The following PRKN variants were observed in gnomAD, a reference collection of about 807,000 sequenced individuals.
PRKN encodes the protein parkin RBR E3 ubiquitin protein ligase.
PRKN carries 56 observed loss-of-function variants against 59.5 expected under a neutral mutation model. The observed-to-expected ratio is 0.94, with a 90% CI of 0.76 to 1.18. The LOEUF is 1.18. Ranked by LOEUF, PRKN falls within the 50% of genes most tolerant of loss-of-function variation. The pLI, the probability that PRKN is intolerant of heterozygous loss-of-function variation, is 0.00. For synonymous variants in PRKN, 250 were observed against 222.1 expected (o/e 1.13, Z -1.12); for missense variants, 657 against 596.4 (o/e 1.10, Z -1.06).
intron 5 of PRKN, among the ~76,000 whole-genome samples, chr6:161,976,724 T>C (rs553940816): frequency 6.6e-6 from 1 of 152,284 alleles, no homozygotes; most frequent in South Asian, 2.1e-4. Context: ...TTTGCAGACA[T>C]GAAAAAAATC....
chr6:162,160,647 G>A (rs1782710984), intron 4 of PRKN, among the ~76,000 whole-genome samples: 2 of 151,938 alleles, frequency 1.3e-5, no homozygotes, highest in Admixed American at 1.3e-4. Context: ...ACGTCTGCAT[G>A]TGTGAGAGAG....
At chr6:162,230,443 CA>C (rs1778374216) in intron 3 of PRKN, among the ~76,000 whole-genome samples, 1 of 152,192 alleles carries the variant, frequency 6.6e-6, no homozygotes, top group South Asian at 2.1e-4. Flanking sequence ...TGGGAGGATC[CA>C]GGGGAAGAGT....
At chr6:161,404,076 C>A (rs942393160) in intron 9 of PRKN, among the ~76,000 whole-genome samples, 11 of 152,108 alleles carry the variant, frequency 7.2e-5, no homozygotes, top group South Asian at 2.1e-4. Context: ...TTTGGGCAAA[C>A]CTCCCTGACC....
chr6:162,428,510 T>A (rs1049622419), intron 2 of PRKN, among the ~76,000 whole-genome samples: 6 of 151,952 alleles, frequency 3.9e-5, no homozygotes, highest in African/African-American at 1.4e-4. Context: ...TTATTTGAAC[T>A]GCCCCTCCCA....
chr6:162,300,149 C>A (rs956534981), intron 2 of PRKN, among the ~76,000 whole-genome samples: 1 of 152,026 alleles, frequency 6.6e-6, no homozygotes, highest in Non-Finnish European at 1.5e-5. Flanking sequence ...GCTATACATA[C>A]ACAATTACTT....
intron 7 of PRKN, among the ~76,000 whole-genome samples, chr6:161,669,906 C>T (rs1002264007): frequency 1.3e-5 from 2 of 152,208 alleles, no homozygotes; most frequent in African/African-American, 2.4e-5. Context: ...CAGCCTGCAG[C>T]GCACAGGCTC....
intron 6 of PRKN, among the ~76,000 whole-genome samples, chr6:161,924,268 A>C (rs992568217): frequency 6.6e-6 from 1 of 152,066 alleles, no homozygotes; most frequent in Non-Finnish European, 1.5e-5. Context: ...CTCATCTTTA[A>C]CCTCACACAC....
At chr6:162,671,309 G>A (rs1779307918) in intron 1 of PRKN, among the ~76,000 whole-genome samples, 1 of 151,982 alleles carries the variant, frequency 6.6e-6, no homozygotes, top group Non-Finnish European at 1.5e-5. Flanking sequence ...GACCATCCTG[G>A]CCAACATGGT....
intron 9 of PRKN, among the ~76,000 whole-genome samples, chr6:161,431,023 C>T (rs956250527): frequency 6.6e-6 from 1 of 151,208 alleles, no homozygotes; most frequent in African/African-American, 2.4e-5. Context: ...CCTGTAAGCC[C>T]AGCTACTCAG....
chr6:162,201,041 G>A (rs982968320), intron 4 of PRKN, 90 bp downstream of exon 4: 9 of 1,355,972 alleles, frequency 6.6e-6, no homozygotes, highest in African/African-American at 5.7e-5. Flanking sequence ...TTTCAAAGAC[G>A]GGTGATACAT....
intron 3 of PRKN, among the ~76,000 whole-genome samples, chr6:162,233,651 T>G (rs1364747879): frequency 6.6e-6 from 1 of 152,218 alleles, no homozygotes; most frequent in Non-Finnish European, 1.5e-5. Context: ...ACTCACTTAT[T>G]TAAACATTCA....
chr6:162,289,687 C>A (rs199811288), intron 2 of PRKN, among the ~76,000 whole-genome samples: 26 of 141,870 alleles, frequency 1.8e-4, no homozygotes, highest in South Asian at 8.9e-4. Context: ...GACACTGTCT[C>A]AAAAAAAAAA....
intron 1 of PRKN, among the ~76,000 whole-genome samples, chr6:162,627,195 T>C (rs1158592886): frequency 6.6e-6 from 1 of 152,194 alleles, no homozygotes; most frequent in Non-Finnish European, 1.5e-5. Context: ...TTGGGCTCTG[T>C]CTTGAAGGAT....
intron 7 of PRKN, among the ~76,000 whole-genome samples, chr6:161,662,893 G>T (rs1582966929): frequency 6.6e-6 from 1 of 152,144 alleles, no homozygotes; most frequent in Non-Finnish European, 1.5e-5. Flanking sequence ...GATATGGTTT[G>T]GATGTGTCCC....
rs183246514 is a variant in PRKN at position 162,394,048 on chromosome 6, T to A, written c.171+49262A>T. On this transcript the variant is annotated intron_variant, in intron 2 of 11. Transcript: ENST00000366898. Reference sequence around the variant, plus strand: ...TATATATTTTCAAAAGTATCCAAAATTTTTTTTGTTACACTGTAGTAACTT... The same window carrying A: ...TATATATTTTCAAAAGTATCCAAAAATTTTTTTGTTACACTGTAGTAACTT... 6.8e-3 allele frequency among the ~76,000 whole-genome samples: 1,027 copies of A among 151,566 alleles called. 8 individuals are homozygous for A. Among genetic ancestry groups the A allele is most frequent in the Middle Eastern group, 0.055 (16 of 290 alleles).
Position 161,525,933 on chromosome 6 carries a change from C to A in PRKN, c.1083+22921G>T, listed in dbSNP as rs1175496662. On this transcript the variant is annotated intron_variant, in intron 9 of 11. Transcript: ENST00000366898. This position sits in a 1 kb window ranked among gnomAD's most constrained non-coding sequence, Gnocchi z 4.7. ...ATCAAATATTTTAAATCTAATTATA[C>A]CAATGTCTCAAATATATAACAAATA... 1.3e-5 allele frequency among the ~76,000 whole-genome samples: 2 copies of A among 151,906 alleles called. No homozygotes were observed. The highest frequency in any genetic ancestry group is 1.9e-4 in the East Asian group (1 of 5,198).
intron 6 of PRKN, among the ~76,000 whole-genome samples, chr6:161,884,641 A>C (rs991028535): frequency 1.3e-5 from 2 of 152,150 alleles, no homozygotes; most frequent in African/African-American, 4.8e-5. Context: ...TGTCATTTCT[A>C]ATTTTGTTGA....
intron 6 of PRKN, among the ~76,000 whole-genome samples, chr6:161,894,021 C>T (rs1777514015): frequency 6.6e-6 from 1 of 152,188 alleles, no homozygotes; most frequent in Non-Finnish European, 1.5e-5. Context: ...CTATTCCTAT[C>T]CCCAGCTAAG....
Position 161,414,074 on chromosome 6 carries a change from G to T in PRKN, c.1084-27197C>A, listed in dbSNP as rs1316128542. ...TCCTGGGCCGAGGTGGGGAGGGTCA[G>T]TGAGGGCAGGGTACTGGTGTCATTT... On this transcript the variant is annotated intron_variant, in intron 9 of 11. Coordinates refer to ENST00000366898, the MANE Select transcript of PRKN (RefSeq NM_004562.3). The surrounding 1 kb of genome is among the most constrained non-coding windows in gnomAD (Gnocchi z 5.3). 6.6e-6 allele frequency among the ~76,000 whole-genome samples: 1 copy of T among 152,170 alleles called. No homozygotes were observed. Among genetic ancestry groups the T allele is most frequent in the Non-Finnish European group, 1.5e-5 (1 of 68,040 alleles).
Sources: allele counts gnomAD v4.1 joint callset (sites outside exome capture counted in the v4.1 genomes callset), GRCh38; gene constraint gnomAD v4.1.1; non-coding constraint Gnocchi (gnomAD v3.1); transcripts MANE v1.5; gene names NCBI Gene and HGNC (gene_info 2026-07-23, HGNC 2026-07-21).